Variants in YAF2 observed in about 807,000 individuals in gnomAD.
YAF2 encodes YY1 associated factor 2.
YAF2 carries 7 observed loss-of-function variants against 20.1 expected under a neutral mutation model. That is an observed-to-expected ratio of 0.35 (90% CI 0.20 to 0.65). YAF2 has a LOEUF of 0.65. Among genes scored for constraint, YAF2 ranks in the 30% least tolerant of loss-of-function variants. The pLI is 0.69. For synonymous variants in YAF2, 74 were observed against 76.0 expected (o/e 0.97, Z 0.14); for missense variants, 151 against 219.2 (o/e 0.69, Z 1.96).
intron 2 of YAF2, among the ~76,000 whole-genome samples, chr12:42,170,673 T>TACAC (rs764667495): frequency 2.1e-3 from 319 of 150,884 alleles, no homozygotes; most frequent in African/African-American, 7.6e-3. Flanking sequence ...AACAAAAAAC[T>TACAC]ATACACACAC....
At chr12:42,176,135 A>C (rs1203943130) in intron 2 of YAF2, among the ~76,000 whole-genome samples, 2 of 151,376 alleles carry the variant, frequency 1.3e-5, no homozygotes, top group Non-Finnish European at 2.9e-5. Flanking sequence ...TATCCCACTT[A>C]CTCAGGAGGC....
At chr12:42,232,526 C>G in intron 2 of YAF2, 1 of 985,360 alleles carries the variant, frequency 1.0e-6, no homozygotes, top group Non-Finnish European at 1.2e-6. Flanking sequence ...AAGAAATCTC[C>G]TAGAATAAGG....
intron 2 of YAF2, among the ~76,000 whole-genome samples, chr12:42,165,916 A>ATATC (rs1302633673): frequency 1.4e-5 from 2 of 144,696 alleles, no homozygotes; most frequent in South Asian, 4.3e-4. Flanking sequence ...GTCTATATCT[A>ATATC]TATCTATCTA....
rs73281857 is a variant in YAF2, at chr12:42,192,687, G to C, written c.153-30922C>G. On this transcript the variant is annotated intron_variant, in intron 2 of 3. Transcript: ENST00000534854. Reference sequence around the variant, plus strand: ...AGCCCAGAAAAGAGATGGTGGCTTAGGGTAGCTGACAAATGGTAGAGATAG... The same window carrying C: ...AGCCCAGAAAAGAGATGGTGGCTTACGGTAGCTGACAAATGGTAGAGATAG... Among the ~76,000 whole-genome samples, 1,307 of 152,306 alleles carry C rather than the reference G, an allele frequency of 8.6e-3. 22 individuals are homozygous for C. The highest frequency in any genetic ancestry group is 0.029 in the African/African-American group (1,210 of 41,566).
chr12:42,234,981 T>C, intron 2 of YAF2: 1 of 982,996 alleles, frequency 1.0e-6, no homozygotes. Flanking sequence ...GAATGAGATC[T>C]TATCTCAAAA....
intron 2 of YAF2, chr12:42,212,524 A>C: frequency 2.4e-6 from 1 of 414,796 alleles, no homozygotes; most frequent in South Asian, 1.8e-5. Context: ...TCCTTTAAGA[A>C]TAGTCTAGTA....
At chr12:42,234,119 C>T (rs560822449) in intron 2 of YAF2, 23 of 812,720 alleles carry the variant, frequency 2.8e-5, no homozygotes, top group Non-Finnish European at 3.1e-5. Context: ...TGCAGTGAGC[C>T]GAGGTCACGC....
chr12:42,224,655 G>T (rs2137331647), intron 2 of YAF2, among the ~76,000 whole-genome samples: 1 of 152,098 alleles, frequency 6.6e-6, no homozygotes. Flanking sequence ...GTGTTAGTGT[G>T]CTGTAAATGA....
chr12:42,160,846 A>G lies in YAF2; in HGVS notation c.306-20T>C. On this transcript the variant is annotated intron_variant, in intron 3 of 3. Transcript: ENST00000534854. ...CTTGGCCTAAACATAAAAAAATGAA[A>G]TTTTAAACTAGCTTTTCCCTCTACC... 6.4e-7 allele frequency: 1 copy of G among 1,574,186 alleles called. No individual in the cohort carries two copies. Among genetic ancestry groups the G allele is most frequent in the Non-Finnish European group, 8.6e-7 (1 of 1,159,660 alleles).
At chr12:42,171,159 ATT>A (rs1277193366) in intron 2 of YAF2, among the ~76,000 whole-genome samples, 1 of 151,724 alleles carries the variant, frequency 6.6e-6, no homozygotes, top group Non-Finnish European at 1.5e-5. Context: ...TACCTGGCTA[ATT>A]TTGCATTTTT....
intron 2 of YAF2, among the ~76,000 whole-genome samples, chr12:42,176,924 G>A (rs1023846859): frequency 2.0e-5 from 3 of 152,242 alleles, no homozygotes; most frequent in East Asian, 1.9e-4. Flanking sequence ...CCGAGATCAC[G>A]CCATCACACT....
At chr12:42,195,595 A>G (rs2066728565) in intron 2 of YAF2, among the ~76,000 whole-genome samples, 1 of 152,260 alleles carries the variant, frequency 6.6e-6, no homozygotes, top group African/African-American at 2.4e-5. Context: ...ATTAATGATT[A>G]TTAAAAGAGC....
At chr12:42,234,189 AAAGAGAAAAGAAAAG>A (rs1265572322) in intron 2 of YAF2, 3 of 879,858 alleles carry the variant, frequency 3.4e-6, no homozygotes, top group African/African-American at 5.6e-5. Context: ...TCAAAAAAAA[AAAGAGAAAAGAAAAG>A]AAAAGAAAAG....
At chr12:42,218,759 C>T (rs545590261) in intron 2 of YAF2, among the ~76,000 whole-genome samples, 4 of 151,958 alleles carry the variant, frequency 2.6e-5, no homozygotes, top group Non-Finnish European at 4.4e-5. Context: ...TATGTTTCAT[C>T]TGTAAATTAT....
intron 2 of YAF2, among the ~76,000 whole-genome samples, chr12:42,179,735 G>C (rs1592183183): frequency 7.4e-6 from 1 of 135,220 alleles, no homozygotes; most frequent in Non-Finnish European, 1.5e-5. Context: ...AGTGAGCCAT[G>C]ACTGCACCAC....
intron 2 of YAF2, among the ~76,000 whole-genome samples, chr12:42,193,228 T>C (rs1052572583): frequency 6.6e-6 from 1 of 150,958 alleles, no homozygotes; most frequent in African/African-American, 2.4e-5. Context: ...GGCAGGCGAA[T>C]CACTTGAACT....
chr12:42,160,112 T>C lies in YAF2; in HGVS notation c.*477A>G, dbSNP rs2065769134. ...ACCACACCAAGTACCAGCAGGTGTA[T>C]TTAAGAGGATAACCATTAAGAAAAA... On this transcript the variant is annotated 3_prime_UTR_variant, in exon 4 of 4. Coordinates refer to ENST00000534854, the MANE Select transcript of YAF2 (RefSeq NM_005748.6). 1 of 153,964 alleles carries C rather than the reference T, an allele frequency of 6.5e-6. No homozygotes were observed. Among genetic ancestry groups the C allele is most frequent in the Admixed American group, 6.4e-5 (1 of 15,528 alleles). The allele number at this position is 153,964 out of a possible 1,614,324, so 9.5% of individuals were successfully genotyped here.
chr12:42,230,898 T>C (rs2067966489), intron 2 of YAF2, among the ~76,000 whole-genome samples: 1 of 152,196 alleles, frequency 6.6e-6, no homozygotes, highest in African/African-American at 2.4e-5. Context: ...TCAAATACTT[T>C]GGAGGCGACA....
intron 2 of YAF2, chr12:42,234,603 CT>C: frequency 1.0e-6 from 1 of 985,250 alleles, no homozygotes; most frequent in Non-Finnish European, 1.2e-6. Flanking sequence ...AAGACATGAC[CT>C]ACCATGGATA....
Sources: allele counts gnomAD v4.1 joint callset (sites outside exome capture counted in the v4.1 genomes callset), GRCh38; gene constraint gnomAD v4.1.1; transcripts MANE v1.5; gene names NCBI Gene and HGNC (gene_info 2026-07-23, HGNC 2026-07-21).